The following PCDH15 variants were observed in gnomAD, a reference collection of about 807,000 sequenced individuals.
PCDH15 encodes protocadherin related 15.
In PCDH15, 129 loss-of-function variants were observed where a neutral mutation model predicts 178.5. That is an observed-to-expected ratio of 0.72 (90% CI 0.63 to 0.84). The LOEUF (loss-of-function observed/expected upper bound fraction) is 0.84. Among genes scored for constraint, PCDH15 ranks in the 40% least tolerant of loss-of-function variants. PCDH15 has a pLI of 0.00. For missense variants in PCDH15, 2,230 were observed against 2,099.9 expected (o/e 1.06, Z -1.21); for synonymous variants, 800 against 732.0 (o/e 1.09, Z -1.50).
In PCDH15 at chr10:55,438,127, G is replaced by C. The variant is rs557720887; in HGVS notation, c.-156+189498C>G. ...TGGGAGTACAGGCATGAGCCCCTGC[G>C]CCTGGCCTCTCTTTCTTATTTCTAA... is the stretch of plus-strand genomic sequence containing the variant. On this transcript the variant is annotated intron_variant, in intron 2 of 5. Coordinates refer to the PCDH15 transcript ENST00000613346. Among the ~76,000 whole-genome samples the C allele has an allele frequency of 7.3e-5, 11 of 151,672 alleles. No homozygotes were observed. The South Asian group carries it at 1.0e-3, about 14-fold the overall frequency.
chr10:55,307,408 C>G (rs2132284846), intron 1 of PCDH15, among the ~76,000 whole-genome samples: 1 of 151,632 alleles, frequency 6.6e-6, no homozygotes, highest in Non-Finnish European at 1.5e-5. Flanking sequence ...GAGGCTGAGG[C>G]AGGAGAATGG....
intron 2 of PCDH15, among the ~76,000 whole-genome samples, chr10:54,570,652 T>A (rs1245903362): frequency 6.6e-6 from 1 of 151,592 alleles, no homozygotes; most frequent in Non-Finnish European, 1.5e-5. Flanking sequence ...CTTGTGTCCA[T>A]TTTTTTTCCT....
At chr10:54,116,657 T>C (rs1326985097) in intron 15 of PCDH15, among the ~76,000 whole-genome samples, 1 of 152,192 alleles carries the variant, frequency 6.6e-6, no homozygotes, top group African/African-American at 2.4e-5. Flanking sequence ...TGTTTTAGAT[T>C]TGCATTGGGC....
intron 9 of PCDH15, among the ~76,000 whole-genome samples, chr10:54,223,837 ATTGTTT>A (rs2053157484): frequency 6.6e-6 from 1 of 152,058 alleles, no homozygotes. Context: ...TTAAAATGTT[ATTGTTT>A]TTGACAGTTC....
rs187037945 is a variant in PCDH15 at position 55,073,011 on chromosome 10, C to A, written c.-80+93565G>T. ...AAAGACAAAAACCACATGATTATCT[C>A]AAGAGATGCAGAAAAGGCCTTTGAC... On this transcript the variant is annotated intron_variant, in intron 2 of 5. Transcript: ENST00000458638. Among the ~76,000 whole-genome samples, 25 of 152,276 alleles carry A rather than the reference C, an allele frequency of 1.6e-4. No homozygotes were observed. The East Asian group carries it at 4.2e-3, about 26-fold the overall frequency.
Position 54,520,708 on chromosome 10 carries a change from T to A in PCDH15, c.157+7104A>T, listed in dbSNP as rs1343295406. Among the ~76,000 whole-genome samples, 3 of 151,402 alleles carry A rather than the reference T, an allele frequency of 2.0e-5. No individual in the cohort carries two copies. In the East Asian group the frequency reaches 5.8e-4, roughly 29 times the overall value. On this transcript the variant is annotated intron_variant, in intron 3 of 37. Coordinates refer to ENST00000644397, the MANE Select transcript of PCDH15 (RefSeq NM_001384140.1). ...ATACCATTTGACCCAGCCATCCCATTACTGGATATATACCCAAAGGACTAT... is the reference window on the plus strand; with the variant it reads ...ATACCATTTGACCCAGCCATCCCATAACTGGATATATACCCAAAGGACTAT...
intron 2 of PCDH15, among the ~76,000 whole-genome samples, chr10:55,614,283 T>G (rs559399062): frequency 1.4e-3 from 214 of 152,314 alleles, no homozygotes; most frequent in African/African-American, 4.9e-3. Context: ...TTTCTTATAC[T>G]CATCTCTAAA....
intron 2 of PCDH15, among the ~76,000 whole-genome samples, chr10:55,408,096 T>C (rs1317022268): frequency 6.6e-6 from 1 of 152,132 alleles, no homozygotes; most frequent in Non-Finnish European, 1.5e-5. Flanking sequence ...AGTTAAGTTC[T>C]ACCAAATGTT....
At chr10:54,235,892 A>G (rs2054582099) in intron 9 of PCDH15, among the ~76,000 whole-genome samples, 1 of 152,210 alleles carries the variant, frequency 6.6e-6, no homozygotes, top group African/African-American at 2.4e-5. Flanking sequence ...AGCTCTGCTT[A>G]TGATATTTGT....
intron 1 of PCDH15, among the ~76,000 whole-genome samples, chr10:55,263,743 T>G (rs1220710503): frequency 7.9e-5 from 12 of 152,132 alleles, no homozygotes; most frequent in Admixed American, 7.9e-4. Flanking sequence ...TTTTATTATT[T>G]TATTTTTTTG....
intron 3 of PCDH15, among the ~76,000 whole-genome samples, chr10:54,888,666 A>T (rs1299956155): frequency 1.3e-5 from 2 of 151,842 alleles, no homozygotes; most frequent in Non-Finnish European, 2.9e-5. Flanking sequence ...AGAAATTCTA[A>T]TAGATGTGTG....
At chr10:54,964,128 T>C (rs1238252919) in intron 2 of PCDH15, among the ~76,000 whole-genome samples, 1 of 152,184 alleles carries the variant, frequency 6.6e-6, no homozygotes, top group African/African-American at 2.4e-5. Context: ...TTCATTTTCT[T>C]GGTACTATCT....
At chr10:55,578,256 C>A (rs764781624) in intron 2 of PCDH15, among the ~76,000 whole-genome samples, 6 of 151,966 alleles carry the variant, frequency 3.9e-5, no homozygotes, top group Non-Finnish European at 8.8e-5. Flanking sequence ...CTCACTCTAT[C>A]ACCCAGGCTG....
rs1479228229 is a variant in PCDH15, at chr10:53,888,308, A to ACG, written c.3501+14934_3501+14935insCG. On this transcript the variant is annotated intron_variant, in intron 26 of 37. Coordinates refer to ENST00000644397, the MANE Select transcript of PCDH15 (RefSeq NM_001384140.1). ...TATATATACATATATATATATATAT[A>ACG]TGTATATATGTACGTATATATATGT... Among the ~76,000 whole-genome samples the ACG allele has an allele frequency of 1.9e-4, 17 of 91,274 alleles. 2 individuals are homozygous for ACG. In the East Asian group the frequency reaches 3.0e-3, roughly 16 times the overall value. The allele number at this position is 91,274 out of a possible 152,430, so 59.9% of individuals were successfully genotyped here.
chr10:54,360,557 C>T (rs987233969), intron 5 of PCDH15, among the ~76,000 whole-genome samples: 3 of 152,050 alleles, frequency 2.0e-5, no homozygotes, highest in African/African-American at 7.2e-5. Flanking sequence ...GGTCCCATTT[C>T]ATTACCTTTT....
chr10:54,585,564 C>A (rs1464065556), intron 2 of PCDH15: 1 of 229,884 alleles, frequency 4.4e-6, no homozygotes. Flanking sequence ...CAATAGTTAA[C>A]AAATAATTCA....
intron 3 of PCDH15, among the ~76,000 whole-genome samples, chr10:54,417,867 A>G (rs966645563): frequency 6.6e-6 from 1 of 152,202 alleles, no homozygotes; most frequent in Admixed American, 6.5e-5. Flanking sequence ...CTCCATAAAT[A>G]GAGTGGTTAT....
At chr10:55,156,877 T>A (rs1838453) in intron 2 of PCDH15, among the ~76,000 whole-genome samples, 81,964 of 151,830 alleles carry the variant, frequency 0.54, 23,878 homozygotes, top group Non-Finnish European at 0.65. Context: ...GAAAGTGGAA[T>A]AGGATAGGCT....
At chr10:54,987,925 A>G (rs1471098035) in intron 2 of PCDH15, among the ~76,000 whole-genome samples, 4 of 152,072 alleles carry the variant, frequency 2.6e-5, no homozygotes, top group African/African-American at 9.7e-5. Flanking sequence ...TTTTTGTCAT[A>G]AAGTCTTTGC....
Sources: gnomAD v4.1 joint callset for allele counts (sites outside exome capture counted in the v4.1 genomes callset) on GRCh38, gnomAD v4.1.1 for gene constraint, MANE v1.5 for transcripts, NCBI Gene and HGNC (gene_info 2026-07-23, HGNC 2026-07-21) for gene names.